The following BMPR2 variants were observed in gnomAD, a reference collection of about 807,000 sequenced individuals.
BMPR2 encodes bone morphogenetic protein receptor type-2.
A neutral mutation model predicts 100.8 loss-of-function variants in BMPR2; 29 were observed. That is an observed-to-expected ratio of 0.29 (90% confidence interval 0.21 to 0.39). BMPR2 has a LOEUF of 0.39. Ranked by LOEUF, BMPR2 falls within the 10% of genes least tolerant of loss-of-function variation. The pLI is 1.00. For missense variants in BMPR2, 1,011 were observed against 1,274.5 expected, an observed-to-expected ratio of 0.79 and a Z score of 3.15; for synonymous variants, 382 against 442.3, an observed-to-expected ratio of 0.86 and a Z score of 1.71.
chr2:202,447,486 G>A (rs1691875172), intron 1 of BMPR2, among the ~76,000 whole-genome samples: 1 of 150,602 alleles, frequency 6.6e-6, no homozygotes, highest in East Asian at 1.9e-4. Context: ...GAACTAGCTT[G>A]TGCAAGAGGG....
chr2:202,416,670 C>T (rs1245436856), intron 1 of BMPR2, among the ~76,000 whole-genome samples: 1 of 151,662 alleles, frequency 6.6e-6, no homozygotes, highest in Non-Finnish European at 1.5e-5. Context: ...GTGATCCGCC[C>T]GCCTCAGCCT....
intron 1 of BMPR2, 124 bp downstream of exon 1, chr2:202,377,674 G>A (rs1690181018): frequency 8.6e-7 from 1 of 1,169,124 alleles, no homozygotes; most frequent in Non-Finnish European, 1.2e-6. Context: ...GTGCAGCGGA[G>A]CTGCGACCCG....
intron 1 of BMPR2, among the ~76,000 whole-genome samples, chr2:202,443,881 T>G (rs1691796785): frequency 6.6e-6 from 1 of 150,534 alleles, no homozygotes; most frequent in Non-Finnish European, 1.5e-5. Flanking sequence ...TTCCAGATAA[T>G]TTCTGTGTGT....
At chr2:202,430,791 C>T (rs1023574208) in intron 1 of BMPR2, among the ~76,000 whole-genome samples, 1 of 150,130 alleles carries the variant, frequency 6.7e-6, no homozygotes, top group African/African-American at 2.5e-5. Context: ...GAAACCCTAT[C>T]TCTACTAAAA....
At chr2:202,553,880 G>A (rs1244809915) in intron 11 of BMPR2, among the ~76,000 whole-genome samples, 2 of 152,126 alleles carry the variant, frequency 1.3e-5, no homozygotes, top group African/African-American at 2.4e-5. Flanking sequence ...TAGAGACAGG[G>A]TTTCACCATG....
At position 202,520,197 on chromosome 2, in the gene BMPR2, A is replaced by C. The variant is rs201607707; in HGVS notation, c.963A>C (p.Arg321=). 6.2e-7 allele frequency: 1 copy of C among 1,606,138 alleles called. No homozygotes were observed. Among genetic ancestry groups the C allele is most frequent in the East Asian group, 2.2e-5 (1 of 44,834 alleles). Residue 321 remains arginine, a synonymous_variant, in exon 7 of 13, where the codon CGA becomes CGC. Transcript: ENST00000374580. ...GLAYLHTELP[R]GDHYKPAISH... ...CTTATCTTCACACAGAATTACCACG[A>C]GGAGGTAAGATAGTCAATAGATGAA...
At chr2:202,409,242 G>T (rs1300738282) in intron 1 of BMPR2, among the ~76,000 whole-genome samples, 1 of 152,140 alleles carries the variant, frequency 6.6e-6, no homozygotes, top group Non-Finnish European at 1.5e-5. Context: ...CTATTTGGGT[G>T]GCTATGGCAT....
chr2:202,504,678 C>CTTTT (rs144161668), intron 3 of BMPR2, among the ~76,000 whole-genome samples: 45 of 112,444 alleles, frequency 4.0e-4, no homozygotes, highest in African/African-American at 1.0e-3. Context: ...ATAGTAGATT[C>CTTTT]TTTTTTTTTT....
chr2:202,406,474 A>G (rs184073829), intron 1 of BMPR2, among the ~76,000 whole-genome samples: 4 of 152,222 alleles, frequency 2.6e-5, no homozygotes, highest in Non-Finnish European at 5.9e-5. Context: ...TACAGTAATA[A>G]ATTGTTTAAT....
At position 202,519,750 on chromosome 2, in the gene BMPR2, C is replaced by T. The variant is rs890750283; in HGVS notation, c.853-337C>T. Among the ~76,000 whole-genome samples the T allele has an allele frequency of 9.7e-4, 148 of 152,116 alleles. 1 individual carries two copies. The highest frequency in any genetic ancestry group is 1.6e-3 in the Admixed American group (24 of 15,274). On this transcript the variant is annotated intron_variant, in intron 6 of 12. Coordinates refer to ENST00000374580, the MANE Select transcript of BMPR2 (RefSeq NM_001204.7). ...ATCCTTTTGTTTTCTACTTATTAAC[C>T]ATAACAATATAATTTGTATTCATAC...
chr2:202,404,197 T>G (rs1204373173), intron 1 of BMPR2, among the ~76,000 whole-genome samples: 9 of 149,856 alleles, frequency 6.0e-5, no homozygotes, highest in Admixed American at 6.0e-4. Flanking sequence ...TTGGGTTGTT[T>G]TTTTTTTTTT....
At chr2:202,528,769 A>T (rs1485680269) in intron 7 of BMPR2, among the ~76,000 whole-genome samples, 1 of 152,220 alleles carries the variant, frequency 6.6e-6, no homozygotes, top group Non-Finnish European at 1.5e-5. Context: ...CTGATTGTTT[A>T]CTGCTTTCCC....
chr2:202,544,536 C>G (rs1688338338), intron 10 of BMPR2, among the ~76,000 whole-genome samples: 1 of 152,098 alleles, frequency 6.6e-6, no homozygotes, highest in East Asian at 1.9e-4. Flanking sequence ...TCAGTGCCAT[C>G]CTGAATCGTT....
intron 12 of BMPR2, among the ~76,000 whole-genome samples, chr2:202,557,464 A>AACACACACACACAC (rs138065331): frequency 1.6e-5 from 2 of 125,340 alleles, no homozygotes; most frequent in African/African-American, 3.2e-5. Context: ...CTCTGTCTCA[A>AACACACACACACAC]ACACACACAC....
At chr2:202,534,244 TTTTA>T (rs202092877) in intron 9 of BMPR2, among the ~76,000 whole-genome samples, 7,722 of 147,832 alleles carry the variant, frequency 0.052, 555 homozygotes, top group African/African-American at 0.17. Context: ...TAAATAAAAT[TTTTA>T]TTTATTTATT....
rs1200805030 is a variant in BMPR2, at chr2:202,388,420, AC to A, written c.76+10871del. On this transcript the variant is annotated intron_variant, in intron 1 of 12. Coordinates refer to ENST00000374580, the MANE Select transcript of BMPR2 (RefSeq NM_001204.7). ...TCAAAAAAAAAAAAAAAAAAAAAAA[AC>A]ATTGTTTGTCCATATACTTAGGTTT... Among the ~76,000 whole-genome samples, 366 of 148,674 alleles carry A rather than the reference AC, an allele frequency of 2.5e-3. 7 individuals carry two copies. Among genetic ancestry groups the A allele is most frequent in the Non-Finnish European group, 4.1e-3 (277 of 67,020 alleles).
rs1692993965 is a variant in BMPR2, at chr2:202,495,058, A to G, written c.419-18661A>G. ...ACCTCACAACAGTGTCTAGGAGTGA[A>G]TGTTTACAGCTCCTGAATCCGCAGT... On this transcript the variant is annotated intron_variant, in intron 3 of 12. Transcript: ENST00000374580. The surrounding 1 kb of genome is among the most constrained non-coding windows in gnomAD (Gnocchi z 4.5). Among the ~76,000 whole-genome samples the G allele has an allele frequency of 6.6e-6, 1 of 152,170 alleles. No homozygotes were observed. The highest frequency in any genetic ancestry group is 6.5e-5 in the Admixed American group (1 of 15,280).
intron 1 of BMPR2, among the ~76,000 whole-genome samples, chr2:202,445,976 G>C (rs1038049385): frequency 1.3e-5 from 2 of 149,798 alleles, no homozygotes; most frequent in East Asian, 2.0e-4. Context: ...GGGTTTCACC[G>C]TGTTAGCCAG....
chr2:202,382,851 AAT>A (rs1690331241), intron 1 of BMPR2, among the ~76,000 whole-genome samples: 1 of 152,156 alleles, frequency 6.6e-6, no homozygotes, highest in Non-Finnish European at 1.5e-5. Flanking sequence ...ATCATTTTGA[AAT>A]ACAGATTCAT....
Sources: gnomAD v4.1 joint callset for allele counts (sites outside exome capture counted in the v4.1 genomes callset) on GRCh38, gnomAD v4.1.1 for gene constraint, Gnocchi (gnomAD v3.1) non-coding constraint, MANE v1.5 for transcripts, NCBI Gene and HGNC (gene_info 2026-07-23, HGNC 2026-07-21) for gene names.